FILIP1L: variants seen among roughly 807,000 people sequenced by gnomAD.
FILIP1L encodes the protein filamin A-interacting protein 1-like.
Under a neutral mutation model 96.6 loss-of-function variants are expected in FILIP1L, and 55 were observed. That is an observed-to-expected ratio of 0.57 (90% CI 0.46 to 0.71). The LOEUF is 0.71. Among genes scored for constraint, FILIP1L ranks in the 30% least tolerant of loss-of-function variants. The pLI is 0.00. For synonymous variants in FILIP1L, 467 were observed against 473.9 expected, an observed-to-expected ratio of 0.99 and a Z score of 0.19; for missense variants, 1,304 against 1,321.2, an observed-to-expected ratio of 0.99 and a Z score of 0.20.
chr3:100,039,528 T>C (rs2065165322), intron 1 of FILIP1L, among the ~76,000 whole-genome samples: 1 of 152,158 alleles, frequency 6.6e-6, no homozygotes, highest in African/African-American at 2.4e-5. Flanking sequence ...TTCAGTCTTA[T>C]AATATGCGGG....
intron 1 of FILIP1L, among the ~76,000 whole-genome samples, chr3:100,009,169 T>C (rs1559723666): frequency 6.6e-6 from 1 of 152,218 alleles, no homozygotes; most frequent in Non-Finnish European, 1.5e-5. Flanking sequence ...TACTGAGGCC[T>C]GTTTCAATTT....
intron 1 of FILIP1L, among the ~76,000 whole-genome samples, chr3:100,021,950 TGTGTGTGTGTGAGAGAGAGA>T (rs1346654564): frequency 1.6e-4 from 21 of 129,010 alleles, no homozygotes; most frequent in Middle Eastern, 7.4e-3. Context: ...TGTGTGTGTG[TGTGTGTGTGTGAGAGAGAGA>T]GAGAGAGAGA....
Position 99,983,422 on chromosome 3 carries a change from A to ATATATATG in FILIP1L, c.-10-52393_-10-52392insCATATATA, listed in dbSNP as rs1559713456. Reference sequence around the variant, plus strand: ...TATATATATATATATATATATATGTATGTATGTATGTATATATATGTATGT... The same window carrying ATATATATG: ...TATATATATATATATATATATATGTATATATATGTGTATGTATGTATATATATGTATGT... On this transcript the variant is annotated intron_variant, in intron 1 of 5. Transcript: ENST00000477258. Among the ~76,000 whole-genome samples the ATATATATG allele has an allele frequency of 2.6e-4, 23 of 86,924 alleles. 1 individual carries two copies. The highest frequency in any genetic ancestry group is 2.0e-3 in the South Asian group (5 of 2,526). The allele number at this position is 86,924 out of a possible 152,430, so 57.0% of individuals were successfully genotyped here.
At chr3:99,908,677 A>C (rs1035284788) in intron 4 of FILIP1L, among the ~76,000 whole-genome samples, 3 of 152,200 alleles carry the variant, frequency 2.0e-5, no homozygotes, top group African/African-American at 7.2e-5. Context: ...CAATAATATT[A>C]CCTCCTTTAA....
chr3:99,945,264 G>A (rs1039984838), intron 1 of FILIP1L, among the ~76,000 whole-genome samples: 1 of 152,116 alleles, frequency 6.6e-6, no homozygotes, highest in Non-Finnish European at 1.5e-5. Context: ...CCCACTCATC[G>A]CTACGAAGGA....
chr3:99,891,899 A>G (rs943521410), intron 4 of FILIP1L, among the ~76,000 whole-genome samples: 1 of 152,190 alleles, frequency 6.6e-6, no homozygotes, highest in East Asian at 1.9e-4. Context: ...TCTTAGGTCT[A>G]CATATTAATA....
rs1266742366 is a variant in FILIP1L, at chr3:100,062,406, C to T, written c.-11+51647G>A. Among the ~76,000 whole-genome samples the T allele has an allele frequency of 5.3e-5, 8 of 152,074 alleles. No homozygotes were observed. In the East Asian group the frequency reaches 5.8e-4, roughly 11 times the overall value. ...GATTACAGGTGTGAGCCACCGCGCCCGGTCTATCCTGTCTTCTTTTAACAG... is the reference window on the plus strand; with the variant it reads ...GATTACAGGTGTGAGCCACCGCGCCTGGTCTATCCTGTCTTCTTTTAACAG... On this transcript the variant is annotated intron_variant, in intron 1 of 5. Transcript: ENST00000477258.
intron 1 of FILIP1L, among the ~76,000 whole-genome samples, chr3:99,980,529 A>G (rs908938996): frequency 1.3e-5 from 2 of 152,172 alleles, no homozygotes; most frequent in Non-Finnish European, 2.9e-5. Flanking sequence ...ACACTTTTTT[A>G]TACATTCAGT....
At chr3:99,933,714 A>G (rs1707565388) in intron 1 of FILIP1L, among the ~76,000 whole-genome samples, 1 of 152,186 alleles carries the variant, frequency 6.6e-6, no homozygotes, top group South Asian at 2.1e-4. Context: ...TCACAGATTA[A>G]TTATAGGGCC....
chr3:100,105,447 T>G (rs1309945324), intron 1 of FILIP1L, among the ~76,000 whole-genome samples: 2 of 152,164 alleles, frequency 1.3e-5, no homozygotes, highest in African/African-American at 4.8e-5. Context: ...TTTCATAGCT[T>G]ACAAGTAAGA....
chr3:100,007,591 C>G (rs1227094748), intron 1 of FILIP1L, among the ~76,000 whole-genome samples: 4 of 152,152 alleles, frequency 2.6e-5, no homozygotes, highest in African/African-American at 9.7e-5. Context: ...GTGACTGAGG[C>G]ACAGAGAGGC....
chr3:99,938,832 CAA>C (rs556271598), intron 1 of FILIP1L, among the ~76,000 whole-genome samples: 21 of 143,468 alleles, frequency 1.5e-4, no homozygotes, highest in Admixed American at 1.5e-3. Context: ...TGTGGTCTTT[CAA>C]AAAAAAAAAG....
At chr3:99,877,128 A>G (rs757455287) in intron 4 of FILIP1L, among the ~76,000 whole-genome samples, 8 of 152,226 alleles carry the variant, frequency 5.3e-5, no homozygotes, top group Non-Finnish European at 1.2e-4. Flanking sequence ...GAGAAGTCAT[A>G]CCTAAAGTTC....
chr3:99,879,483 C>T (rs1239301887), intron 4 of FILIP1L, among the ~76,000 whole-genome samples: 2 of 152,178 alleles, frequency 1.3e-5, no homozygotes, highest in East Asian at 3.8e-4. Context: ...AAGCCAGTTC[C>T]TCTTTTTGAA....
At chr3:99,964,397 G>C (rs1708585158) in intron 1 of FILIP1L, 1 of 150,532 alleles carries the variant, frequency 6.6e-6, no homozygotes, top group Non-Finnish European at 1.5e-5. Flanking sequence ...TACTGGGCTA[G>C]GTGATGTTTA....
chr3:99,961,553 C>G (rs765608058), intron 1 of FILIP1L, among the ~76,000 whole-genome samples: 16 of 152,184 alleles, frequency 1.1e-4, no homozygotes, highest in Non-Finnish European at 2.1e-4. Flanking sequence ...CAGCTGAATA[C>G]TGGTCAAAGT....
chr3:99,890,190 A>G (rs1706039320), intron 4 of FILIP1L, among the ~76,000 whole-genome samples: 1 of 152,108 alleles, frequency 6.6e-6, no homozygotes, highest in Admixed American at 6.5e-5. Flanking sequence ...CATTGAAGAT[A>G]TTATTCCACC....
chr3:99,937,104 T>C (rs754901251), intron 1 of FILIP1L, among the ~76,000 whole-genome samples: 1 of 151,856 alleles, frequency 6.6e-6, no homozygotes, highest in Non-Finnish European at 1.5e-5. Context: ...TGTGGCTAAT[T>C]TTTTTGTATT....
intron 1 of FILIP1L, among the ~76,000 whole-genome samples, chr3:99,964,896 C>G (rs1297505510): frequency 2.0e-5 from 3 of 152,126 alleles, no homozygotes; most frequent in African/African-American, 7.2e-5. Flanking sequence ...ACATCAGTCC[C>G]ATAGTGCACA....
Sources: gnomAD v4.1 joint callset for allele counts (sites outside exome capture counted in the v4.1 genomes callset) on GRCh38, gnomAD v4.1.1 for gene constraint, MANE v1.5 for transcripts, NCBI Gene and HGNC (gene_info 2026-07-23, HGNC 2026-07-21) for gene names.